The following ADORA2B variants were observed in gnomAD, a reference collection of about 807,000 sequenced individuals.
ADORA2B encodes adenosine A2b receptor.
Under a neutral mutation model 20.8 loss-of-function variants are expected in ADORA2B, and 18 were observed. That is an observed-to-expected ratio of 0.87 (90% CI 0.60 to 1.29). The LOEUF is 1.29. Among genes scored for constraint, ADORA2B ranks in the 50% most tolerant of loss-of-function variants. The pLI is 0.00. For synonymous variants in ADORA2B, 179 were observed against 178.3 expected, an observed-to-expected ratio of 1.00 and a Z score of -0.03; for missense variants, 441 against 422.7, an observed-to-expected ratio of 1.04 and a Z score of -0.38.
upstream of ADORA2B, among the ~76,000 whole-genome samples, chr17:15,942,077 C>T (rs1269165111): frequency 6.6e-6 from 1 of 152,082 alleles, no homozygotes; most frequent in African/African-American, 2.4e-5. Flanking sequence ...GCAACACAGA[C>T]GGGAACAGGG....
the ADORA2B span, among the ~76,000 whole-genome samples, chr17:15,879,788 C>T: frequency 2.7e-5 from 4 of 150,352 alleles, no homozygotes; most frequent in Non-Finnish European, 4.4e-5. Flanking sequence ...CCGCCTGCCT[C>T]GGCCTCCCAA....
chr17:15,921,496 C>T, the ADORA2B span, among the ~76,000 whole-genome samples: 1 of 152,098 alleles, frequency 6.6e-6, no homozygotes, highest in South Asian at 2.1e-4. Flanking sequence ...TTTAAAGTGA[C>T]AGTTGATGCT....
the ADORA2B span, among the ~76,000 whole-genome samples, chr17:15,867,314 G>A: frequency 2.0e-4 from 31 of 152,036 alleles, no homozygotes; most frequent in African/African-American, 7.0e-4. Context: ...ATCTCTGCCC[G>A]GCCGCCATCC....
At chr17:15,891,014 C>A in the ADORA2B span, among the ~76,000 whole-genome samples, 2 of 152,350 alleles carry the variant, frequency 1.3e-5, no homozygotes, top group East Asian at 3.9e-4. Context: ...CGCCTGTAAT[C>A]CCAGCACTTT....
the ADORA2B span, among the ~76,000 whole-genome samples, chr17:15,875,820 A>G: frequency 6.6e-6 from 1 of 152,188 alleles, no homozygotes; most frequent in Non-Finnish European, 1.5e-5. Context: ...ACGTCAGGTA[A>G]TCCACCCGCC....
intron 1 of ADORA2B, among the ~76,000 whole-genome samples, chr17:15,964,837 G>A (rs555910791): frequency 1.2e-4 from 18 of 151,780 alleles, no homozygotes; most frequent in African/African-American, 2.7e-4. Context: ...CAAGGTGGGC[G>A]AATCACGAGG....
chr17:15,917,297 G>A, the ADORA2B span, among the ~76,000 whole-genome samples: 957 of 152,342 alleles, frequency 6.3e-3, 6 homozygotes, highest in Middle Eastern at 0.027. Context: ...GAGCCAGACC[G>A]TGCCTGCCAC....
chr17:15,937,806 C>G, the ADORA2B span, among the ~76,000 whole-genome samples: 2 of 152,158 alleles, frequency 1.3e-5, no homozygotes, highest in African/African-American at 4.8e-5. Flanking sequence ...CTCCTGATCT[C>G]AGGTGATCCA....
the ADORA2B span, among the ~76,000 whole-genome samples, chr17:15,863,641 A>G: frequency 6.6e-6 from 1 of 152,208 alleles, no homozygotes; most frequent in Non-Finnish European, 1.5e-5. Flanking sequence ...GGCGTGAGCC[A>G]CTGTGCTGTG....
intron 1 of ADORA2B, among the ~76,000 whole-genome samples, chr17:15,966,827 T>A (rs1285553398): frequency 6.6e-6 from 1 of 152,252 alleles, no homozygotes. Context: ...GTTTCCTGTG[T>A]TCACTTTTCA....
At chr17:15,874,056 ATATG>A in the ADORA2B span, among the ~76,000 whole-genome samples, 1,436 of 82,324 alleles carry the variant, frequency 0.017, 12 homozygotes, top group Non-Finnish European at 0.027. Context: ...ATATATATAT[ATATG>A]TGTGTGTGTA....
chr17:15,904,991 T>C, the ADORA2B span, among the ~76,000 whole-genome samples: 1 of 152,242 alleles, frequency 6.6e-6, no homozygotes, highest in East Asian at 1.9e-4. Flanking sequence ...TCTTCTTTGT[T>C]CTTTTCAGAA....
At chr17:15,968,991 G>T (rs1366032983) in intron 1 of ADORA2B, among the ~76,000 whole-genome samples, 3 of 152,176 alleles carry the variant, frequency 2.0e-5, no homozygotes, top group African/African-American at 7.2e-5. Context: ...TGAGGTAACA[G>T]CAGTTCTCAA....
chr17:15,930,534 G>A, the ADORA2B span, among the ~76,000 whole-genome samples: 2 of 152,168 alleles, frequency 1.3e-5, no homozygotes, highest in African/African-American at 2.4e-5. Context: ...GAGCTCAAGC[G>A]ATCTGTGTGC....
the ADORA2B span, among the ~76,000 whole-genome samples, chr17:15,885,713 C>CAAA: frequency 7.8e-6 from 1 of 128,588 alleles, no homozygotes; most frequent in Non-Finnish European, 1.7e-5. Context: ...GACTCCGTAT[C>CAAA]AAAAAAAAAA....
chr17:15,971,944 T>C (rs1970192917), intron 1 of ADORA2B, among the ~76,000 whole-genome samples: 1 of 152,126 alleles, frequency 6.6e-6, no homozygotes, highest in Admixed American at 6.5e-5. Context: ...GTGATGGCCA[T>C]ATTAAGAACA....
In ADORA2B at chr17:15,964,615, CA is replaced by C. The variant is rs372895382; in HGVS notation, c.336-10047del. On this transcript the variant is annotated intron_variant, in intron 1 of 1. Coordinates refer to ENST00000304222, the MANE Select transcript of ADORA2B (RefSeq NM_000676.4). ...GGGCGACAAGAGCAAGACTCTGTCT[CA>C]AAAAAAAAAAAAAAAAGAAAAGATG... Among the ~76,000 whole-genome samples the C allele has an allele frequency of 9.3e-3, 616 of 66,416 alleles. 3 individuals are homozygous for C. Among genetic ancestry groups the C allele is most frequent in the South Asian group, 0.034 (62 of 1,832 alleles). The allele number at this position is 66,416 out of a possible 152,430, so 43.6% of individuals were successfully genotyped here.
the ADORA2B span, among the ~76,000 whole-genome samples, chr17:15,927,948 G>A: frequency 6.6e-6 from 1 of 151,932 alleles, no homozygotes; most frequent in Non-Finnish European, 1.5e-5. Context: ...TCAGCCTCCC[G>A]AGTAACTGGG....
At chr17:15,896,936 A>G in the ADORA2B span, among the ~76,000 whole-genome samples, 3 of 152,182 alleles carry the variant, frequency 2.0e-5, no homozygotes, top group Admixed American at 6.5e-5. Context: ...AGCATGTAAC[A>G]TTTTTCAGCT....
Sources: allele counts gnomAD v4.1 joint callset (sites outside exome capture counted in the v4.1 genomes callset), GRCh38; gene constraint gnomAD v4.1.1; transcripts MANE v1.5; gene names NCBI Gene and HGNC (gene_info 2026-07-23, HGNC 2026-07-21).